ARHGAP10: variants seen among roughly 807,000 people sequenced by gnomAD.
ARHGAP10 encodes rho GTPase-activating protein 10.
Under a neutral mutation model 108.6 loss-of-function variants are expected in ARHGAP10, and 87 were observed. That is an observed-to-expected ratio of 0.80 (90% CI 0.67 to 0.96). The LOEUF is 0.96. Among genes scored for constraint, ARHGAP10 ranks in the 40% least tolerant of loss-of-function variants. The pLI, the probability that ARHGAP10 is intolerant of heterozygous loss-of-function variation, is 0.00. For synonymous variants in ARHGAP10, 347 were observed against 341.1 expected (o/e 1.02, Z -0.19); for missense variants, 939 against 954.5 (o/e 0.98, Z 0.21).
At chr4:147,983,918 G>A (rs1035312994) in intron 18 of ARHGAP10, among the ~76,000 whole-genome samples, 7 of 152,168 alleles carry the variant, frequency 4.6e-5, no homozygotes, top group Non-Finnish European at 8.8e-5. Context: ...TCATTTGAAA[G>A]AACTGATGTT....
chr4:148,071,974 T>C lies in ARHGAP10; in HGVS notation c.2273-19T>C, dbSNP rs1469737136. ...ACTTGGGGGCATTTTGTAAAAGTGA[T>C]TTTTCTCTTCCTTTTCAGTACAAAC... On this transcript the variant is annotated intron_variant, in intron 22 of 22. Coordinates refer to ENST00000336498, the MANE Select transcript of ARHGAP10 (RefSeq NM_024605.4). 3.1e-6 allele frequency: 5 copies of C among 1,608,560 alleles called. No individual in the cohort carries two copies. Among genetic ancestry groups the C allele is most frequent in the Non-Finnish European group, 4.2e-6 (5 of 1,177,284 alleles).
intron 13 of ARHGAP10, among the ~76,000 whole-genome samples, chr4:147,923,314 C>T (rs558661352): frequency 6.6e-6 from 1 of 152,158 alleles, no homozygotes; most frequent in Non-Finnish European, 1.5e-5. Context: ...AATGAGCCGC[C>T]CCCCATGAGC....
intron 18 of ARHGAP10, among the ~76,000 whole-genome samples, chr4:148,022,269 C>T (rs1741597701): frequency 6.6e-6 from 1 of 152,190 alleles, no homozygotes; most frequent in Admixed American, 6.5e-5. Flanking sequence ...TCAACCCGCC[C>T]TCTAGGATTT....
intron 19 of ARHGAP10, among the ~76,000 whole-genome samples, chr4:148,044,013 A>G (rs1728768271): frequency 6.6e-6 from 1 of 151,872 alleles, no homozygotes; most frequent in Admixed American, 6.6e-5. Context: ...GGAGGAAGGA[A>G]CTCTATACAC....
At chr4:147,917,917 T>G (rs1400023355) in intron 13 of ARHGAP10, among the ~76,000 whole-genome samples, 1 of 152,172 alleles carries the variant, frequency 6.6e-6, no homozygotes, top group Non-Finnish European at 1.5e-5. Flanking sequence ...CTTAGAAGTT[T>G]ATTGTAAAAA....
chr4:147,766,520 A>G (rs1399547553), intron 1 of ARHGAP10, among the ~76,000 whole-genome samples: 1 of 151,112 alleles, frequency 6.6e-6, no homozygotes, highest in African/African-American at 2.4e-5. Flanking sequence ...TGCAGAACTC[A>G]TGGATATGGA....
intron 18 of ARHGAP10, among the ~76,000 whole-genome samples, chr4:147,990,703 A>G (rs752716832): frequency 1.3e-5 from 2 of 152,192 alleles, no homozygotes; most frequent in African/African-American, 2.4e-5. Context: ...GTTCTTACTT[A>G]TGAACAGGAG....
At chr4:148,043,872 C>T (rs950077813) in intron 19 of ARHGAP10, among the ~76,000 whole-genome samples, 11 of 150,082 alleles carry the variant, frequency 7.3e-5, no homozygotes, top group Non-Finnish European at 1.6e-4. Context: ...TTAAAAAATG[C>T]TAATTTGATT....
chr4:147,853,740 A>ATT (rs59966813), intron 4 of ARHGAP10, among the ~76,000 whole-genome samples: 1 of 149,542 alleles, frequency 6.7e-6, no homozygotes, highest in Non-Finnish European at 1.5e-5. Flanking sequence ...GATTATTATG[A>ATT]TTTTTTTTTT....
intron 1 of ARHGAP10, among the ~76,000 whole-genome samples, chr4:147,778,198 G>A (rs1730382744): frequency 6.6e-6 from 1 of 152,142 alleles, no homozygotes; most frequent in South Asian, 2.1e-4. Context: ...CAGGATTTTT[G>A]CATGTGTGTG....
chr4:147,823,053 A>G (rs2126786934), intron 3 of ARHGAP10, 96 bp downstream of exon 3: 1 of 1,255,392 alleles, frequency 8.0e-7, no homozygotes, highest in Non-Finnish European at 1.1e-6. Context: ...TGAAGCATTT[A>G]TCCCTGGGTA....
At chr4:147,824,234 A>G (rs1732615936) in intron 3 of ARHGAP10, among the ~76,000 whole-genome samples, 1 of 152,040 alleles carries the variant, frequency 6.6e-6, no homozygotes, top group Non-Finnish European at 1.5e-5. Flanking sequence ...AGGCAAGAGA[A>G]TTGCTTGAAT....
chr4:148,060,796 G>A (rs919978302), intron 20 of ARHGAP10, among the ~76,000 whole-genome samples: 4 of 152,208 alleles, frequency 2.6e-5, no homozygotes, highest in Non-Finnish European at 5.9e-5. Flanking sequence ...TACATGGGAA[G>A]TGTGGGAGGT....
intron 18 of ARHGAP10, 89 bp from the exon 19 acceptor site, chr4:148,023,174 A>G (rs895864106): frequency 1.3e-5 from 20 of 1,488,194 alleles, no homozygotes; most frequent in Non-Finnish European, 1.8e-5. Context: ...ATGAACTCCA[A>G]ATCAAATGTT....
chr4:147,794,535 C>G (rs963550989), intron 1 of ARHGAP10, among the ~76,000 whole-genome samples: 1 of 152,144 alleles, frequency 6.6e-6, no homozygotes, highest in African/African-American at 2.4e-5. Flanking sequence ...TATACACACT[C>G]GACAAGTGTC....
At chr4:148,042,490 C>T (rs1241725518) in intron 19 of ARHGAP10, among the ~76,000 whole-genome samples, 1 of 152,184 alleles carries the variant, frequency 6.6e-6, no homozygotes, top group Non-Finnish European at 1.5e-5. Context: ...TCTCCTGTTT[C>T]TTTTCTTTCA....
intron 3 of ARHGAP10, among the ~76,000 whole-genome samples, chr4:147,829,193 C>T (rs1346966675): frequency 2.0e-5 from 3 of 151,856 alleles, no homozygotes; most frequent in Non-Finnish European, 4.4e-5. Flanking sequence ...TGGAACTACA[C>T]GCGGGTGCCA....
At chr4:147,763,746 CTTTT>C (rs35774782) in intron 1 of ARHGAP10, among the ~76,000 whole-genome samples, 1 of 93,168 alleles carries the variant, frequency 1.1e-5, no homozygotes, top group Non-Finnish European at 2.1e-5. Context: ...ATGGTGATTC[CTTTT>C]TTTTTTTTTT....
At position 148,005,762 on chromosome 4, in the gene ARHGAP10, C is replaced by T. The variant is rs113667816; in HGVS notation, c.1717-17501C>T. 3.5e-3 allele frequency among the ~76,000 whole-genome samples: 532 copies of T among 152,292 alleles called. 3 individuals are homozygous for T. Among genetic ancestry groups the T allele is most frequent in the African/African-American group, 0.012 (512 of 41,562 alleles). On this transcript the variant is annotated intron_variant, in intron 18 of 22. Transcript: ENST00000336498. ...TCTTTCATGATTGAGGTTCTTGTGT[C>T]TTGTCCTTCGATGACAAAAACGTGA...
Sources: allele counts gnomAD v4.1 joint callset (sites outside exome capture counted in the v4.1 genomes callset), GRCh38; gene constraint gnomAD v4.1.1; transcripts MANE v1.5; gene names NCBI Gene and HGNC (gene_info 2026-07-23, HGNC 2026-07-21).